The following ARMH4 variants were observed in gnomAD, a reference collection of about 807,000 sequenced individuals.
ARMH4 encodes armadillo like helical domain containing 4, also known as armadillo-like helical domain-containing protein 4.
Under a neutral mutation model 61.9 loss-of-function variants are expected in ARMH4, and 49 were observed. That is an observed-to-expected ratio of 0.79 (90% confidence interval 0.63 to 1.00). The LOEUF is 1.00. Ranked by LOEUF, ARMH4 falls within the 50% of genes least tolerant of loss-of-function variation. The pLI is 0.00. For missense variants in ARMH4, 934 were observed against 930.0 expected (o/e 1.00, Z -0.06); for synonymous variants, 368 against 341.5 (o/e 1.08, Z -0.85).
At position 58,102,703 on chromosome 14, in the gene ARMH4, C is replaced by T. The variant is rs558640227; in HGVS notation, c.1832-5722G>A. Among the ~76,000 whole-genome samples the T allele has an allele frequency of 3.0e-3, 440 of 146,770 alleles. 1 individual carries two copies. The highest frequency in any genetic ancestry group is 5.2e-3 in the Non-Finnish European group (352 of 67,092). On this transcript the variant is annotated intron_variant, in intron 4 of 7. Coordinates refer to ENST00000267485, the MANE Select transcript of ARMH4 (RefSeq NM_001001872.4). ...GCGGGCGCCTGTAGTCCCAGCTACTCGGGAGGCTGAGGCAGGAGAATGGCG... is the reference window on the plus strand; with the variant it reads ...GCGGGCGCCTGTAGTCCCAGCTACTTGGGAGGCTGAGGCAGGAGAATGGCG...
At chr14:58,065,999 G>A (rs1233944646) in intron 5 of ARMH4, among the ~76,000 whole-genome samples, 2 of 152,216 alleles carry the variant, frequency 1.3e-5, no homozygotes, top group African/African-American at 4.8e-5. Flanking sequence ...GTGAATCTTA[G>A]GAGGAGCCTC....
At chr14:58,085,998 T>C (rs191861497) in intron 5 of ARMH4, among the ~76,000 whole-genome samples, 4 of 152,318 alleles carry the variant, frequency 2.6e-5, no homozygotes, top group Admixed American at 2.0e-4. Flanking sequence ...GGGGAAGCAA[T>C]GAACCAGTGG....
chr14:58,016,866 A>G (rs1181065798), intron 5 of ARMH4, among the ~76,000 whole-genome samples: 2 of 152,264 alleles, frequency 1.3e-5, no homozygotes, highest in Non-Finnish European at 2.9e-5. Flanking sequence ...GCCCACAGCT[A>G]ATATTATACT....
At chr14:58,135,987 C>T (rs1404318078) in intron 2 of ARMH4, among the ~76,000 whole-genome samples, 1 of 151,978 alleles carries the variant, frequency 6.6e-6, no homozygotes, top group Non-Finnish European at 1.5e-5. Flanking sequence ...TTGACTGTTC[C>T]TCTTGGTACA....
In ARMH4 at chr14:58,138,632, C is replaced by T. The variant is rs1342379648; in HGVS notation, c.727G>A (p.Ala243Thr). The change falls in exon 2 of 8, where the codon GCA (alanine) becomes ACA (threonine). Residue 243 changes from alanine (A) to threonine (T), a missense_variant. Ala to Thr is a moderately conservative substitution (Grantham distance 58). Transcript: ENST00000267485. ...GTGAGGCTTCCAGGCTCACTGCCTGCTGTGGACTCAGCACCAGGAAAAGAA... is the reference window on the plus strand; with the variant it reads ...GTGAGGCTTCCAGGCTCACTGCCTGTTGTGGACTCAGCACCAGGAAAAGAA... The part of the protein sequence containing the change: ...TTSFPGAEST[A>T]GSEPGSLTPD... The T allele has an allele frequency of 6.2e-7, 1 of 1,614,076 alleles. No individual in the cohort carries two copies. Among genetic ancestry groups the T allele is most frequent in the Admixed American group, 1.7e-5 (1 of 60,012 alleles).
Position 58,138,280 on chromosome 14 carries a change from G to A in ARMH4, c.1079C>T (p.Thr360Ile). 6.2e-7 allele frequency: 1 copy of A among 1,614,214 alleles called. No homozygotes were observed. The highest frequency in any genetic ancestry group is 8.5e-7 in the Non-Finnish European group (1 of 1,180,044). Residue 360 changes from threonine (T) to isoleucine (I), a missense_variant, in exon 2 of 8, where the codon ACA becomes ATA. By Grantham distance (89) the Thr-to-Ile change is moderately conservative. Transcript: ENST00000267485. Reference sequence around the variant, plus strand: ...CCCCAGAGCCACCTGTGCAGCCTCTGTCCAAGGCTGGCCTCCTTCCATACC... The same window carrying A: ...CCCCAGAGCCACCTGTGCAGCCTCTATCCAAGGCTGGCCTCCTTCCATACC... ...HEGMEGGQPW[T>I]EAAQVALGLP...
intron 1 of ARMH4, among the ~76,000 whole-genome samples, chr14:58,139,951 G>A (rs1477297902): frequency 2.0e-5 from 3 of 152,272 alleles, no homozygotes; most frequent in South Asian, 2.1e-4. Flanking sequence ...CAGAACCCTC[G>A]TGAATGGGAT....
intron 5 of ARMH4, among the ~76,000 whole-genome samples, chr14:58,077,529 C>G (rs1449301846): frequency 1.3e-5 from 2 of 152,078 alleles, no homozygotes; most frequent in African/African-American, 2.4e-5. Context: ...ACCGCTTGAG[C>G]CTGGGAGGTC....
intron 5 of ARMH4, among the ~76,000 whole-genome samples, chr14:58,029,190 A>T (rs117474535): frequency 0.016 from 2,357 of 151,566 alleles, 168 homozygotes; most frequent in Admixed American, 0.11. Flanking sequence ...AAGTTGAATC[A>T]TACAACATAT....
At chr14:58,057,625 C>T (rs66466221) in intron 5 of ARMH4, among the ~76,000 whole-genome samples, 45,394 of 151,624 alleles carry the variant, frequency 0.3, 7,506 homozygotes, top group Non-Finnish European at 0.37. Context: ...ATGAAATTAG[C>T]GTGGCAGGTA....
rs200368563 is a variant in ARMH4, at chr14:58,138,892, G to A, written c.467C>T (p.Thr156Ile). The change falls in exon 2 of 8, where the codon ACT becomes ATT. Residue 156 changes from threonine to isoleucine, a missense_variant. Physicochemically the swap from Thr to Ile is moderately conservative, Grantham distance 89. Transcript: ENST00000267485. ...TIAITATPSLTVDEKEELLTS... is the reference protein window; with the variant it reads ...TIAITATPSLIVDEKEELLTS... Reference sequence around the variant, plus strand: ...AAGGAGTTCCTCCTTTTCATCAACAGTCAGAGAAGGAGTCGCAGTGATAGC... The same window carrying A: ...AAGGAGTTCCTCCTTTTCATCAACAATCAGAGAAGGAGTCGCAGTGATAGC... 2 of 1,614,046 alleles carry A rather than the reference G, an allele frequency of 1.2e-6. No individual in the cohort carries two copies. The highest frequency in any genetic ancestry group is 1.1e-5 in the South Asian group (1 of 91,086).
intron 5 of ARMH4, among the ~76,000 whole-genome samples, chr14:58,093,957 A>G (rs1384946138): frequency 6.6e-6 from 1 of 152,222 alleles, no homozygotes; most frequent in East Asian, 1.9e-4. Context: ...AAAGTCTGAT[A>G]TATTTTTAAA....
intron 5 of ARMH4, among the ~76,000 whole-genome samples, chr14:58,020,749 C>T (rs1340649892): frequency 1.3e-5 from 2 of 152,208 alleles, no homozygotes; most frequent in African/African-American, 2.4e-5. Flanking sequence ...CAACAACCAA[C>T]TGAGTGGCAG....
intron 5 of ARMH4, among the ~76,000 whole-genome samples, chr14:58,034,362 T>C (rs1262396958): frequency 8.8e-6 from 1 of 113,116 alleles, no homozygotes; most frequent in South Asian, 3.1e-4. Context: ...CTGAGATATT[T>C]TGTCACCACC....
At chr14:58,132,988 C>G (rs547933014) in intron 3 of ARMH4, 102 bp downstream of exon 3, 1 of 1,276,962 alleles carries the variant, frequency 7.8e-7, no homozygotes, top group East Asian at 2.3e-5. Flanking sequence ...CACGCACGCG[C>G]GCGCTGATGG....
intron 5 of ARMH4, among the ~76,000 whole-genome samples, chr14:58,062,885 C>T (rs1211064234): frequency 1.3e-5 from 2 of 152,198 alleles, no homozygotes; most frequent in East Asian, 3.8e-4. Flanking sequence ...CAATTTGCAG[C>T]TTGGCCATGA....
intron 5 of ARMH4, among the ~76,000 whole-genome samples, chr14:58,047,925 A>G (rs1253296669): frequency 6.6e-6 from 1 of 152,228 alleles, no homozygotes; most frequent in Non-Finnish European, 1.5e-5. Context: ...GGTAGATGGC[A>G]GAGAACAGAA....
At chr14:58,088,004 A>G (rs185633540) in intron 5 of ARMH4, among the ~76,000 whole-genome samples, 30 of 152,316 alleles carry the variant, frequency 2.0e-4, no homozygotes, top group African/African-American at 6.0e-4. Context: ...TTTGTAGTTC[A>G]CAGTGCACAT....
intron 4 of ARMH4, among the ~76,000 whole-genome samples, chr14:58,098,501 C>T (rs759267091): frequency 6.6e-6 from 1 of 152,142 alleles, no homozygotes; most frequent in Non-Finnish European, 1.5e-5. Flanking sequence ...ATAGAAAACG[C>T]CAGGCACTGC....
Sources: gnomAD v4.1 joint callset for allele counts (sites outside exome capture counted in the v4.1 genomes callset) on GRCh38, gnomAD v4.1.1 for gene constraint, MANE v1.5 for transcripts, NCBI Gene and HGNC (gene_info 2026-07-23, HGNC 2026-07-21) for gene names.